Variants in ELOVL6 observed in about 807,000 individuals in gnomAD.
ELOVL6 encodes the protein ELOVL fatty acid elongase 6.
ELOVL6 carries 8 observed loss-of-function variants against 31.7 expected under a neutral mutation model. The ratio of observed to expected loss-of-function variants is 0.25; its 90% confidence interval spans 0.15 to 0.45. The LOEUF is 0.45. Among genes scored for constraint, ELOVL6 ranks in the 20% least tolerant of loss-of-function variants. ELOVL6 has a pLI of 1.00. For synonymous variants in ELOVL6, 101 were observed against 117.7 expected (o/e 0.86, Z 0.92); for missense variants, 126 against 326.4 (o/e 0.39, Z 4.73).
At position 110,115,041 on chromosome 4, in the gene ELOVL6, C is replaced by G. The variant is rs538851078; in HGVS notation, c.90-9413G>C. Among the ~76,000 whole-genome samples, 5 of 152,214 alleles carry G rather than the reference C, an allele frequency of 3.3e-5. No individual in the cohort carries two copies. In the East Asian group the frequency reaches 9.6e-4, roughly 29 times the overall value. The stretch of plus-strand genomic sequence containing the variant: ...TAGGGTTTTCATTTCCCCAAATCAC[C>G]TCATAGACAGCTGAAAATTCCAAAA... On this transcript the variant is annotated intron_variant, in intron 1 of 3. Transcript: ENST00000302274.
intron 3 of ELOVL6, among the ~76,000 whole-genome samples, chr4:110,052,784 C>T (rs571048776): frequency 4.9e-4 from 75 of 152,252 alleles, no homozygotes; most frequent in Non-Finnish European, 8.8e-4. Context: ...AGGGAAGTTA[C>T]GCTAGGATGT....
chr4:110,161,993 C>A (rs993808402), intron 1 of ELOVL6, among the ~76,000 whole-genome samples: 8 of 152,164 alleles, frequency 5.3e-5, no homozygotes, highest in African/African-American at 1.9e-4. Flanking sequence ...CAAAACATCT[C>A]TGAAGAGCAC....
At chr4:110,084,167 A>G (rs1320589659) in intron 2 of ELOVL6, among the ~76,000 whole-genome samples, 17 of 58,060 alleles carry the variant, frequency 2.9e-4, no homozygotes, top group Non-Finnish European at 4.9e-4. Flanking sequence ...CATATATGTG[A>G]TATATATGAT....
At chr4:110,166,628 T>C (rs568081967) in intron 1 of ELOVL6, among the ~76,000 whole-genome samples, 23 of 152,214 alleles carry the variant, frequency 1.5e-4, no homozygotes, top group Non-Finnish European at 1.6e-4. Flanking sequence ...GAAAAAATTC[T>C]TGTGTTTCCA....
chr4:110,152,227 T>C (rs1018991585), intron 1 of ELOVL6, among the ~76,000 whole-genome samples: 6 of 152,196 alleles, frequency 3.9e-5, no homozygotes, highest in African/African-American at 1.4e-4. Context: ...GCATACCTTA[T>C]GTCATATCAA....
At chr4:110,110,383 A>G (rs59713760) in intron 1 of ELOVL6, among the ~76,000 whole-genome samples, 1 of 144,576 alleles carries the variant, frequency 6.9e-6, no homozygotes, top group Non-Finnish European at 1.5e-5. Flanking sequence ...GTTAAAAAAA[A>G]TGGAAATTTT....
intron 1 of ELOVL6, among the ~76,000 whole-genome samples, chr4:110,106,424 G>A (rs2126246884): frequency 1.3e-5 from 2 of 152,280 alleles, no homozygotes; most frequent in Admixed American, 1.3e-4. Context: ...TAAACGAGGG[G>A]TAGATTATTC....
At chr4:110,126,338 A>C (rs1757498516) in intron 1 of ELOVL6, among the ~76,000 whole-genome samples, 1 of 152,104 alleles carries the variant, frequency 6.6e-6, no homozygotes, top group African/African-American at 2.4e-5. Context: ...GAGTCGCTGC[A>C]CCCAACCCTC....
intron 1 of ELOVL6, among the ~76,000 whole-genome samples, chr4:110,190,661 C>T (rs964848523): frequency 1.3e-5 from 2 of 151,956 alleles, no homozygotes; most frequent in Non-Finnish European, 1.5e-5. Context: ...CCCGCCACCA[C>T]GCCCGGCTAA....
chr4:110,115,721 G>T (rs1320852231), intron 1 of ELOVL6, among the ~76,000 whole-genome samples: 1 of 152,162 alleles, frequency 6.6e-6, no homozygotes, highest in Non-Finnish European at 1.5e-5. Context: ...CTCCGATAAT[G>T]GGGACAGCTA....
At chr4:110,110,401 ATTTTTT>A (rs397878146) in intron 1 of ELOVL6, among the ~76,000 whole-genome samples, 13,702 of 109,934 alleles carry the variant, frequency 0.12, 729 homozygotes, top group Admixed American at 0.23. Flanking sequence ...TTTTCCGCAG[ATTTTTT>A]TTTTTTTTTT....
intron 1 of ELOVL6, among the ~76,000 whole-genome samples, chr4:110,128,774 C>T (rs17041380): frequency 0.021 from 3,160 of 152,244 alleles, 52 homozygotes; most frequent in Middle Eastern, 0.037. Context: ...AATTATGCTC[C>T]TCCCACCATG....
intron 1 of ELOVL6, among the ~76,000 whole-genome samples, chr4:110,125,592 G>A (rs1757468566): frequency 6.6e-6 from 1 of 151,518 alleles, no homozygotes; most frequent in South Asian, 2.1e-4. Context: ...AGGCTGAGGT[G>A]GGCAGATCAC....
chr4:110,083,336 T>A (rs1471127675), intron 2 of ELOVL6, among the ~76,000 whole-genome samples: 2 of 151,652 alleles, frequency 1.3e-5, no homozygotes, highest in East Asian at 3.8e-4. Flanking sequence ...GGACATGTGA[T>A]CTGATAACTG....
rs1553953538 is a variant in ELOVL6 at position 110,056,130 on chromosome 4, G to GT, written c.373+3472_373+3473insA. Among the ~76,000 whole-genome samples the GT allele has an allele frequency of 5.5e-5, 7 of 126,540 alleles. No homozygotes were observed. The South Asian group carries it at 7.2e-4, about 13-fold the overall frequency. The allele number at this position is 126,540 out of a possible 152,430, so 83.0% of individuals were successfully genotyped here. A position where few individuals can be genotyped will look rare whatever the true frequency, so the allele number is the denominator to read the frequency against. On this transcript the variant is annotated intron_variant, in intron 3 of 3. Transcript: ENST00000302274. Reference sequence around the variant, plus strand: ...TTTGAGTTTGTGGGAGCTGGGGGGGGGGATACAGTTTCAGTACTATACATG... The same window carrying GT: ...TTTGAGTTTGTGGGAGCTGGGGGGGGTGGATACAGTTTCAGTACTATACATG...
chr4:110,151,643 T>C (rs1758282285), intron 1 of ELOVL6, among the ~76,000 whole-genome samples: 1 of 152,186 alleles, frequency 6.6e-6, no homozygotes, highest in Admixed American at 6.5e-5. Context: ...GATGTTGAGA[T>C]TTGACATGCC....
intron 2 of ELOVL6, among the ~76,000 whole-genome samples, chr4:110,069,363 C>T (rs1307002538): frequency 6.6e-6 from 1 of 151,460 alleles, no homozygotes; most frequent in Non-Finnish European, 1.5e-5. Flanking sequence ...ATCTCCTTGG[C>T]ACTACTAATA....
chr4:110,111,589 A>G (rs903795340), intron 1 of ELOVL6, among the ~76,000 whole-genome samples: 6 of 152,216 alleles, frequency 3.9e-5, no homozygotes, highest in African/African-American at 1.4e-4. Context: ...AAAAATTTAC[A>G]TGGTAACACA....
intron 2 of ELOVL6, among the ~76,000 whole-genome samples, chr4:110,089,696 AAT>A (rs1226242741): frequency 6.7e-6 from 1 of 149,612 alleles, no homozygotes; most frequent in African/African-American, 2.5e-5. Context: ...ATCCTTGCCC[AAT>A]GAGAGCTTAT....
Sources: allele counts gnomAD v4.1 joint callset (sites outside exome capture counted in the v4.1 genomes callset), GRCh38; gene constraint gnomAD v4.1.1; transcripts MANE v1.5; gene names NCBI Gene and HGNC (gene_info 2026-07-23, HGNC 2026-07-21).